The following PCM1 variants were observed in gnomAD, a reference collection of about 807,000 sequenced individuals.
The protein encoded by PCM1 is pericentriolar material 1, also known as pericentriolar material 1 protein.
Under a neutral mutation model 241.9 loss-of-function variants are expected in PCM1, and 157 were observed. The observed-to-expected ratio is 0.65, with a 90% CI of 0.57 to 0.74. PCM1 has a LOEUF of 0.74. Among genes scored for constraint, PCM1 ranks in the 30% least tolerant of loss-of-function variants. PCM1 has a pLI of 0.00. For synonymous variants in PCM1, 1,085 were observed against 784.9 expected (o/e 1.38, Z -6.39); for missense variants, 3,478 against 2,360.1 (o/e 1.47, Z -9.81).
chr8:18,014,459 G>T (rs951919174), intron 35 of PCM1, 125 bp from the exon 36 acceptor site: 2 of 684,378 alleles, frequency 2.9e-6, no homozygotes, highest in Non-Finnish European at 2.1e-6. Context: ...ATTTGTAGTT[G>T]CCTTTTCTTT....
intron 23 of PCM1, among the ~76,000 whole-genome samples, chr8:17,979,248 A>G (rs1021235459): frequency 2.6e-5 from 4 of 152,212 alleles, no homozygotes; most frequent in East Asian, 1.9e-4. Flanking sequence ...CTAAACAGGG[A>G]TTCCTTCTGT....
At position 17,950,610 on chromosome 8, in the gene PCM1, T is replaced by A; in HGVS notation, c.962-5T>A. On this transcript the variant is annotated splice_region_variant and splice_polypyrimidine_tract_variant and intron_variant, in intron 7 of 38. Coordinates refer to ENST00000325083, the MANE Select transcript of PCM1 (RefSeq NM_006197.4). ...ATTAATCAGTAGTTACTAATTTCTT[T>A]CCAGTTGTTGCAGAAACTGCAGGTA... The A allele has an allele frequency of 6.7e-7, 1 of 1,499,748 alleles. No individual in the cohort carries two copies. The highest frequency in any genetic ancestry group is 9.2e-7 in the Non-Finnish European group (1 of 1,082,990). 92.9% of individuals were successfully genotyped at this position (1,499,748 alleles called of 1,614,324 possible).
Position 17,938,832 on chromosome 8 carries a change from T to C in PCM1, c.435T>C (p.Pro145=), listed in dbSNP as rs753365558. The C allele has an allele frequency of 1.4e-5, 23 of 1,613,436 alleles. No individual in the cohort carries two copies. The highest frequency in any genetic ancestry group is 1.9e-5 in the Non-Finnish European group (22 of 1,179,448). The change falls in exon 5 of 39, where the codon CCT becomes CCC. Residue 145 remains proline, a synonymous_variant. Transcript: ENST00000325083. ...ACCGAAAGCCCTTCAACTTTTTGCCTATGCAGATTAATACTAACAAGAGCA... is the reference window on the plus strand; with the variant it reads ...ACCGAAAGCCCTTCAACTTTTTGCCCATGCAGATTAATACTAACAAGAGCA... The part of the protein sequence containing the change: ...SENRKPFNFL[P]MQINTNKSKD...
intron 26 of PCM1, among the ~76,000 whole-genome samples, chr8:17,987,565 G>A (rs11777680): frequency 0.015 from 2,340 of 151,986 alleles, 35 homozygotes; most frequent in Non-Finnish European, 0.023. Flanking sequence ...TACTTGATAC[G>A]TAAGGACTTG....
rs2094420200 is a variant in PCM1 at position 18,029,790 on chromosome 8, G to A, written c.*2128G>A. 1 of 195,860 alleles carries A rather than the reference G, an allele frequency of 5.1e-6. No homozygotes were observed. Among genetic ancestry groups the A allele is most frequent in the South Asian group, 1.9e-4 (1 of 5,202 alleles). 12.1% of individuals were successfully genotyped at this position (195,860 alleles called of 1,614,324 possible). A position where few individuals can be genotyped will look rare whatever the true frequency, so the allele number is the denominator to read the frequency against. On this transcript the variant is annotated 3_prime_UTR_variant, in exon 39 of 39. Coordinates refer to ENST00000325083, the MANE Select transcript of PCM1 (RefSeq NM_006197.4). ...AAATTTTGGTTACAGATAGATAGAGGGAGAAAAGTTCAAAATGAGTGAGAG... is the reference window on the plus strand; with the variant it reads ...AAATTTTGGTTACAGATAGATAGAGAGAGAAAAGTTCAAAATGAGTGAGAG...
chr8:17,967,318 T>A, intron 21 of PCM1, 148 bp downstream of exon 21: 2 of 624,920 alleles, frequency 3.2e-6, no homozygotes, highest in Non-Finnish European at 5.3e-6. Context: ...TTTTTTTTTT[T>A]TCTTTTTGAG....
At chr8:17,929,860 A>G (rs975910691) in intron 2 of PCM1, among the ~76,000 whole-genome samples, 8 of 152,226 alleles carry the variant, frequency 5.3e-5, no homozygotes, top group Non-Finnish European at 1.0e-4. Context: ...CTAATAAGAC[A>G]GAATAGTCAC....
Position 17,966,127 on chromosome 8 carries a change from A to G in PCM1, c.2984A>G (p.Glu995Gly). 3 of 1,614,004 alleles carry G rather than the reference A, an allele frequency of 1.9e-6. No homozygotes were observed. The highest frequency in any genetic ancestry group is 1.1e-5 in the South Asian group (1 of 91,084). The change falls in exon 19 of 39, where the codon GAG (glutamate) becomes GGG (glycine). Residue 995 changes from glutamate (E) to glycine (G), a missense_variant. Coordinates refer to ENST00000325083, the MANE Select transcript of PCM1 (RefSeq NM_006197.4). ...RWVSELSYVE[E>G]KEQWQEQINQ... The stretch of plus-strand genomic sequence containing the variant: ...GTGTCAGAGCTCTCTTACGTAGAAG[A>G]GAAAGAACAATGGCAAGAACAAATC...
intron 29 of PCM1, among the ~76,000 whole-genome samples, chr8:18,001,349 A>G (rs1408967857): frequency 6.6e-6 from 1 of 152,204 alleles, no homozygotes; most frequent in South Asian, 2.1e-4. Flanking sequence ...TCTAGAAACA[A>G]TTTTTAGACA....
chr8:17,960,413 A>G lies in PCM1; in HGVS notation c.2291A>G (p.Gln764Arg). The G allele has an allele frequency of 7.5e-6, 12 of 1,604,528 alleles. No individual in the cohort carries two copies. Among genetic ancestry groups the G allele is most frequent in the Non-Finnish European group, 1.0e-5 (12 of 1,176,692 alleles). ...CTGATTGACATTCAGGAGAAAATTC[A>G]AGCATTGCAAACGGCATGCCCTGAC... ...KKLIDIQEKI[Q>R]ALQTACPDLQ... is the part of the protein sequence containing the mutation. Residue 764 changes from glutamine (Q) to arginine (R), a missense_variant, in exon 15 of 39, where the codon CAA (glutamine) becomes CGA (arginine). Physicochemically the swap from Gln to Arg is conservative, Grantham distance 43. Transcript: ENST00000325083.
chr8:17,938,795 A>C lies in PCM1; in HGVS notation c.398A>C (p.Gln133Pro). ...GRATAANNKR[Q>P]LSENRKPFNF... ...GCAACAGCTGCTAACAACAAACGTCAGCTTAGTGAAAACCGAAAGCCCTTC... is the reference window on the plus strand; with the variant it reads ...GCAACAGCTGCTAACAACAAACGTCCGCTTAGTGAAAACCGAAAGCCCTTC... The change falls in exon 5 of 39, where the codon CAG (glutamine) becomes CCG (proline). Residue 133 changes from glutamine to proline, a missense_variant. Transcript: ENST00000325083. 3 of 1,612,684 alleles carry C rather than the reference A, an allele frequency of 1.9e-6. No homozygotes were observed. The highest frequency in any genetic ancestry group is 1.7e-6 in the Non-Finnish European group (2 of 1,178,670).
chr8:17,952,391 G>A (rs989732331), intron 8 of PCM1, among the ~76,000 whole-genome samples: 1 of 152,052 alleles, frequency 6.6e-6, no homozygotes, highest in Non-Finnish European at 1.5e-5. Context: ...ACGTGGCATT[G>A]TTATTACTTT....
intron 27 of PCM1, 82 bp from the exon 28 acceptor site, chr8:17,991,460 A>G: frequency 1.6e-6 from 2 of 1,228,270 alleles, no homozygotes; most frequent in Non-Finnish European, 1.1e-6. Flanking sequence ...TTGTTTGGAC[A>G]TTTTTTTATT....
chr8:17,926,221 T>C (rs1015668460), intron 2 of PCM1: 3 of 152,152 alleles, frequency 2.0e-5, no homozygotes, highest in African/African-American at 4.8e-5. Flanking sequence ...TAAAGGGTAA[T>C]TGAGTTAACT....
chr8:17,940,765 T>C (rs1215558289), intron 6 of PCM1, among the ~76,000 whole-genome samples: 1 of 152,196 alleles, frequency 6.6e-6, no homozygotes, highest in African/African-American at 2.4e-5. Context: ...TTCTGAAGAA[T>C]AGTAATTTAC....
chr8:17,985,413 C>T, intron 24 of PCM1, 34 bp from the exon 25 acceptor site: 1 of 1,462,190 alleles, frequency 6.8e-7, no homozygotes, highest in Non-Finnish European at 9.2e-7. Context: ...GGTACTTCAT[C>T]AATATTAACT....
In PCM1 at chr8:17,969,559, A is replaced by G. The variant is rs771025147; in HGVS notation, c.3413-18A>G. On this transcript the variant is annotated intron_variant, in intron 21 of 38. Coordinates refer to ENST00000325083, the MANE Select transcript of PCM1 (RefSeq NM_006197.4). ...ACATTTATTTATTTTTCTCTTACCC[A>G]TTGCTTTTACTGATTAGGTATGAAT... 6.5e-7 allele frequency: 1 copy of G among 1,532,312 alleles called. No individual in the cohort carries two copies. The highest frequency in any genetic ancestry group is 1.2e-5 in the South Asian group (1 of 80,210). 94.9% of individuals were successfully genotyped at this position (1,532,312 alleles called of 1,614,324 possible).
chr8:17,938,884 A>G lies in PCM1; in HGVS notation c.487A>G (p.Arg163Gly), dbSNP rs2061217456. 1.9e-6 allele frequency: 3 copies of G among 1,613,630 alleles called. No homozygotes were observed. The highest frequency in any genetic ancestry group is 1.7e-5 in the Admixed American group (1 of 60,002). The change falls in exon 5 of 39, where the codon AGA (arginine) becomes GGA (glycine). Residue 163 changes from arginine (R) to glycine (G), a missense_variant. Arg to Gly is a moderately radical substitution (Grantham distance 125, BLOSUM62 -2). Transcript: ENST00000325083. Reference sequence around the variant, plus strand: ...AGATGCATCTACAAACCCCCCAAACAGAGAAACGATTGGATCAGCACAGTG... The same window carrying G: ...AGATGCATCTACAAACCCCCCAAACGGAGAAACGATTGGATCAGCACAGTG... Reference protein sequence around the residue: ...SKDASTNPPNRETIGSAQCKE... With the variant: ...SKDASTNPPNGETIGSAQCKE...
chr8:17,966,746 A>C (rs1023822684), intron 20 of PCM1, among the ~76,000 whole-genome samples: 2 of 152,234 alleles, frequency 1.3e-5, no homozygotes, highest in African/African-American at 4.8e-5. Context: ...ACAAACAAAA[A>C]AGTGATTTTC....
Sources: gnomAD v4.1 joint callset for allele counts (sites outside exome capture counted in the v4.1 genomes callset) on GRCh38, gnomAD v4.1.1 for gene constraint, MANE v1.5 for transcripts, NCBI Gene and HGNC (gene_info 2026-07-23, HGNC 2026-07-21) for gene names.